The following ANKRD33B variants were observed in gnomAD, a reference collection of about 807,000 sequenced individuals.
ANKRD33B encodes the protein ankyrin repeat domain-containing protein 33B.
Under a neutral mutation model 21.5 loss-of-function variants are expected in ANKRD33B, and 6 were observed. The ratio of observed to expected loss-of-function variants is 0.28; its 90% CI spans 0.15 to 0.55. ANKRD33B has a LOEUF of 0.55. Among genes scored for constraint, ANKRD33B ranks in the 20% least tolerant of loss-of-function variants. ANKRD33B has a pLI of 0.94. For synonymous variants in ANKRD33B, 347 were observed against 342.4 expected (o/e 1.01, Z -0.15); for missense variants, 698 against 747.2 (o/e 0.93, Z 0.77).
At chr5:10,577,120 T>C (rs1370664661) in intron 1 of ANKRD33B, among the ~76,000 whole-genome samples, 1 of 151,094 alleles carries the variant, frequency 6.6e-6, no homozygotes. Context: ...CCCTTCCCCT[T>C]CCCCTTCCCC....
intron 1 of ANKRD33B, among the ~76,000 whole-genome samples, chr5:10,580,116 A>G (rs556931314): frequency 6.6e-6 from 1 of 152,300 alleles, no homozygotes; most frequent in African/African-American, 2.4e-5. Context: ...TTTCCTCAGT[A>G]AGAGAGTAGG....
At chr5:10,592,182 C>T (rs1735710059) in intron 1 of ANKRD33B, among the ~76,000 whole-genome samples, 1 of 151,930 alleles carries the variant, frequency 6.6e-6, no homozygotes, top group African/African-American at 2.4e-5. Context: ...CACATGTTCC[C>T]CTTTAAAGAC....
chr5:10,590,601 C>T (rs1038547189), intron 1 of ANKRD33B, among the ~76,000 whole-genome samples: 1 of 150,766 alleles, frequency 6.6e-6, no homozygotes. Flanking sequence ...CGCGCGCGCG[C>T]GCGCGCGTGT....
intron 1 of ANKRD33B, among the ~76,000 whole-genome samples, chr5:10,583,767 A>G (rs764781133): frequency 2.0e-5 from 3 of 152,228 alleles, no homozygotes; most frequent in Non-Finnish European, 4.4e-5. Context: ...CCCTTCCAAC[A>G]GGCGGTCCTA....
intron 1 of ANKRD33B, among the ~76,000 whole-genome samples, chr5:10,579,778 G>C (rs1259017289): frequency 6.6e-6 from 1 of 151,944 alleles, no homozygotes; most frequent in Non-Finnish European, 1.5e-5. Flanking sequence ...ATAGTAAAAG[G>C]AAGCAATTTG....
chr5:10,613,324 G>C (rs970592675), intron 1 of ANKRD33B, among the ~76,000 whole-genome samples: 2 of 144,574 alleles, frequency 1.4e-5, no homozygotes, highest in Non-Finnish European at 3.0e-5. Context: ...TTGCTCTGTT[G>C]CCCAGGCTGG....
At chr5:10,598,112 G>A (rs898863526) in intron 1 of ANKRD33B, among the ~76,000 whole-genome samples, 9 of 152,068 alleles carry the variant, frequency 5.9e-5, no homozygotes, top group Non-Finnish European at 1.0e-4. Context: ...TTCTAAGTTT[G>A]CCTTCTCCTC....
chr5:10,629,442 G>A (rs1560980459), intron 2 of ANKRD33B, among the ~76,000 whole-genome samples: 3 of 152,142 alleles, frequency 2.0e-5, no homozygotes, highest in East Asian at 1.9e-4. Context: ...GAGTCCAGCC[G>A]TCTGGCTTGG....
rs766397181 is a variant in ANKRD33B at position 10,654,342 on chromosome 5, C to T, written c.*4229C>T. The T allele has an allele frequency of 6.6e-5, 10 of 152,370 alleles. No individual in the cohort carries two copies. Among genetic ancestry groups the T allele is most frequent in the African/African-American group, 1.2e-4 (5 of 41,456 alleles). 9.4% of individuals were successfully genotyped at this position (152,370 alleles called of 1,614,324 possible). A position where few individuals can be genotyped will look rare whatever the true frequency, so the allele number is the denominator to read the frequency against. On this transcript the variant is annotated 3_prime_UTR_variant, in exon 4 of 4. Transcript: ENST00000296657. The stretch of plus-strand genomic sequence containing the variant: ...ACAGGGGTGGGGCTCGGGATCCCTC[C>T]CTGCACCCTGATGTTTATTAACTGT...
Position 10,568,312 on chromosome 5 carries a change from A to T in ANKRD33B, c.366+3479A>T, listed in dbSNP as rs548019043. Among the ~76,000 whole-genome samples, 7 of 152,352 alleles carry T rather than the reference A, an allele frequency of 4.6e-5. No homozygotes were observed. The South Asian group carries it at 1.5e-3, about 32-fold the overall frequency. On this transcript the variant is annotated intron_variant, in intron 1 of 3. Transcript: ENST00000296657. ...CTGACTTGAGGCAGTGCAAGCTGCC[A>T]TAATTCTTTTTCTTAATTCTTCTCT... is the stretch of plus-strand genomic sequence containing the variant.
chr5:10,641,998 T>TA (rs1422537574), intron 3 of ANKRD33B, among the ~76,000 whole-genome samples: 1 of 152,224 alleles, frequency 6.6e-6, no homozygotes, highest in Non-Finnish European at 1.5e-5. Flanking sequence ...TTCAGACACT[T>TA]TTACTATTTC....
chr5:10,648,211 C>T (rs184913576), intron 3 of ANKRD33B, among the ~76,000 whole-genome samples: 3 of 152,296 alleles, frequency 2.0e-5, no homozygotes, highest in African/African-American at 4.8e-5. Context: ...AGCCCACCAT[C>T]GGTTAAAGGT....
intron 1 of ANKRD33B, among the ~76,000 whole-genome samples, chr5:10,599,888 A>G (rs1735896175): frequency 1.3e-5 from 2 of 152,278 alleles, no homozygotes; most frequent in African/African-American, 4.8e-5. Flanking sequence ...TTCTATGTTT[A>G]GCTTTCTGAG....
In ANKRD33B at chr5:10,649,283, A is replaced by G. The variant is rs1737262914; in HGVS notation, c.655A>G (p.Arg219Gly). The G allele has an allele frequency of 6.6e-7, 1 of 1,525,656 alleles. No homozygotes were observed. Among genetic ancestry groups the G allele is most frequent in the Non-Finnish European group, 8.8e-7 (1 of 1,140,096 alleles). The allele number at this position is 1,525,656 out of a possible 1,614,324, so 94.5% of individuals were successfully genotyped here. Residue 219 changes from arginine (R) to glycine (G), a missense_variant, in exon 4 of 4, where the codon AGG becomes GGG. By Grantham distance (125) the Arg-to-Gly change is moderately radical. Coordinates refer to ENST00000296657, the MANE Select transcript of ANKRD33B (RefSeq NM_001164440.2). ...LMLAGADVHA[R>G]DPRRGMSPQE... ...TTTTGCAGGGGCGGATGTCCACGCG[A>G]GGGACCCCCGCCGTGGGATGTCGCC...
intron 1 of ANKRD33B, among the ~76,000 whole-genome samples, chr5:10,616,558 C>G (rs1277211447): frequency 1.2e-5 from 1 of 81,588 alleles, no homozygotes; most frequent in Non-Finnish European, 2.3e-5. Flanking sequence ...GAGTGAAACT[C>G]TGTCTCAAAA....
intron 1 of ANKRD33B, among the ~76,000 whole-genome samples, chr5:10,584,993 G>T (rs1438956181): frequency 2.6e-5 from 4 of 152,232 alleles, no homozygotes; most frequent in African/African-American, 9.6e-5. Flanking sequence ...AGGTGGTAGA[G>T]CTGGAATGTT....
chr5:10,618,923 T>C (rs1736350788), intron 2 of ANKRD33B, among the ~76,000 whole-genome samples: 1 of 152,140 alleles, frequency 6.6e-6, no homozygotes, highest in Non-Finnish European at 1.5e-5. Context: ...TGAGAGCTGT[T>C]AGAGTATCCG....
rs551771627 is a variant in ANKRD33B, at chr5:10,571,766, G to T, written c.366+6933G>T. 2.6e-5 allele frequency among the ~76,000 whole-genome samples: 4 copies of T among 152,278 alleles called. No homozygotes were observed. In the South Asian group the frequency reaches 8.3e-4, roughly 32 times the overall value. ...CACCAGGTAGTCTCCCAGAGATGGT[G>T]GTTCCCAGCTTGGACTGTACATTAG... On this transcript the variant is annotated intron_variant, in intron 1 of 3. Coordinates refer to ENST00000296657, the MANE Select transcript of ANKRD33B (RefSeq NM_001164440.2).
intron 1 of ANKRD33B, among the ~76,000 whole-genome samples, chr5:10,604,640 C>T (rs758678545): frequency 1.3e-5 from 2 of 151,708 alleles, no homozygotes; most frequent in African/African-American, 4.8e-5. Context: ...TCTCGCTGCA[C>T]CTAACATCTA....
Sources: gnomAD v4.1 joint callset for allele counts (sites outside exome capture counted in the v4.1 genomes callset) on GRCh38, gnomAD v4.1.1 for gene constraint, MANE v1.5 for transcripts, NCBI Gene and HGNC (gene_info 2026-07-23, HGNC 2026-07-21) for gene names.